TRAF3IP1: variants seen among roughly 807,000 people sequenced by gnomAD.
TRAF3IP1 encodes intraflagellar transport 54, also known as TRAF3-interacting protein 1.
A neutral mutation model predicts 89.9 loss-of-function variants in TRAF3IP1; 53 were observed. The observed-to-expected ratio is 0.59, with a 90% CI of 0.47 to 0.74. The LOEUF is 0.74. TRAF3IP1 is among the 30% of genes least tolerant of loss of function. TRAF3IP1 has a pLI of 0.00. For missense variants in TRAF3IP1, 806 were observed against 866.1 expected (o/e 0.93, Z 0.87); for synonymous variants, 311 against 322.1 (o/e 0.97, Z 0.37).
chr2:238,336,434 T>C (rs1698393160), intron 7 of TRAF3IP1, among the ~76,000 whole-genome samples: 1 of 152,136 alleles, frequency 6.6e-6, no homozygotes, highest in Non-Finnish European at 1.5e-5. Context: ...TTTGGGCAAA[T>C]GCTCAGTACC....
chr2:238,322,370 G>T (rs1399742743), intron 1 of TRAF3IP1, among the ~76,000 whole-genome samples: 1 of 152,208 alleles, frequency 6.6e-6, no homozygotes, highest in Non-Finnish European at 1.5e-5. Flanking sequence ...CGCATAGTTG[G>T]TCAGAGGAAT....
At position 238,366,734 on chromosome 2, in the gene TRAF3IP1, AT is replaced by A. The variant is rs569253916; in HGVS notation, c.1689+10659del. On this transcript the variant is annotated intron_variant, in intron 15 of 16. Transcript: ENST00000373327. ...GTGCTTTGCATAAAAAAAAATCTTT[AT>A]TTTTGATTGGTTTTGACAGCCTGCC... Among the ~76,000 whole-genome samples, 207 of 152,124 alleles carry A rather than the reference AT, an allele frequency of 1.4e-3. 3 individuals are homozygous for A. Among genetic ancestry groups the A allele is most frequent in the African/African-American group, 4.8e-3 (198 of 41,494 alleles).
intron 15 of TRAF3IP1, among the ~76,000 whole-genome samples, chr2:238,368,580 A>G (rs984865704): frequency 6.6e-6 from 1 of 152,196 alleles, no homozygotes; most frequent in African/African-American, 2.4e-5. Context: ...GCTTTGCTCT[A>G]TGTAAGTTTT....
intron 6 of TRAF3IP1, 43 bp downstream of exon 6, chr2:238,332,938 C>A: frequency 6.8e-7 from 1 of 1,478,714 alleles, no homozygotes; most frequent in Non-Finnish European, 9.4e-7. Context: ...CAACTTGTAG[C>A]TGTGTTGAAA....
rs905244464 is a variant in TRAF3IP1, at chr2:238,338,458, G to C, written c.1159+1G>C. ...CAGGAAACGACAACATCAGAAATAG[G>C]TAAGAAAAATATATTCTTTAGTTTA... is the stretch of plus-strand genomic sequence containing the variant. On this transcript the variant is annotated splice_donor_variant, in intron 8 of 16. Coordinates refer to ENST00000373327, the MANE Select transcript of TRAF3IP1 (RefSeq NM_015650.4). LOFTEE classifies it high-confidence loss of function. 7.2e-6 allele frequency: 11 copies of C among 1,531,814 alleles called. 1 individual carries two copies. The Admixed American group carries it at 1.3e-4, about 18-fold the overall frequency. The allele number at this position is 1,531,814 out of a possible 1,614,324, so 94.9% of individuals were successfully genotyped here.
intron 15 of TRAF3IP1, among the ~76,000 whole-genome samples, chr2:238,381,307 A>C (rs992612980): frequency 2.6e-5 from 4 of 152,126 alleles, no homozygotes; most frequent in African/African-American, 9.7e-5. Flanking sequence ...AACTTTAGAA[A>C]AGTTTCTTTG....
intron 5 of TRAF3IP1, among the ~76,000 whole-genome samples, chr2:238,331,399 C>G (rs1359696750): frequency 6.6e-6 from 1 of 151,944 alleles, no homozygotes. Context: ...ATCGTTTGAA[C>G]TCGGGAGGCG....
chr2:238,372,600 A>G (rs961112877), intron 15 of TRAF3IP1, among the ~76,000 whole-genome samples: 7 of 152,230 alleles, frequency 4.6e-5, no homozygotes, highest in South Asian at 2.1e-4. Context: ...GTACATGTCC[A>G]TGTGTCTTTA....
rs568609406 is a variant in TRAF3IP1 at position 238,398,769 on chromosome 2, C to G, written c.1926C>G (p.Ala642=). 1.9e-6 allele frequency: 3 copies of G among 1,604,668 alleles called. No homozygotes were observed. The highest frequency in any genetic ancestry group is 2.5e-6 in the Non-Finnish European group (3 of 1,177,358). ...TCTCCCTCAGGATCACAGACTGTGC[C>G]GTGGAGCCCTTAAAGGCTGAGCTCG... ...LQQEQRITDC[A]VEPLKAELAE... is the part of the protein sequence containing the mutation. Residue 642 remains alanine, a synonymous_variant, in exon 17 of 17, where the codon GCC becomes GCG. Transcript: ENST00000373327.
At chr2:238,371,277 C>T (rs985883675) in intron 15 of TRAF3IP1, among the ~76,000 whole-genome samples, 1 of 151,910 alleles carries the variant, frequency 6.6e-6, no homozygotes, top group South Asian at 2.1e-4. Flanking sequence ...GTGTTTTTTT[C>T]GGTTTGTTTT....
In TRAF3IP1 at chr2:238,346,304, C is replaced by T. The variant is rs1466042262; in HGVS notation, c.1262-1151C>T. Among the ~76,000 whole-genome samples the T allele has an allele frequency of 1.5e-4, 23 of 152,176 alleles. 1 individual carries two copies. Among genetic ancestry groups the T allele is most frequent in the Admixed American group, 1.4e-3 (22 of 15,284 alleles). On this transcript the variant is annotated intron_variant, in intron 9 of 16. Transcript: ENST00000373327. ...CTCTGAAACTGCCCTTGTAGTGGCA[C>T]TATCTGGAACCACATTCTCCAGCCC... is the stretch of plus-strand genomic sequence containing the variant.
chr2:238,361,103 T>G (rs953615359), intron 15 of TRAF3IP1, among the ~76,000 whole-genome samples: 9 of 151,236 alleles, frequency 6.0e-5, no homozygotes, highest in Non-Finnish European at 1.2e-4. Flanking sequence ...TGGAGTGCAG[T>G]GGTCTGAATC....
At chr2:238,336,546 T>C (rs1698397663) in intron 7 of TRAF3IP1, among the ~76,000 whole-genome samples, 1 of 152,124 alleles carries the variant, frequency 6.6e-6, no homozygotes, top group Admixed American at 6.5e-5. Flanking sequence ...ATATTTAGAC[T>C]CTTAAAGTCA....
intron 11 of TRAF3IP1, 134 bp downstream of exon 11, chr2:238,348,982 A>G: frequency 1.3e-6 from 1 of 749,034 alleles, no homozygotes; most frequent in Non-Finnish European, 2.2e-6. Context: ...CAAAGAATAC[A>G]AGAAGTATAT....
At position 238,321,430 on chromosome 2, in the gene TRAF3IP1, C is replaced by T. The variant is rs141599174; in HGVS notation, c.123+645C>T. On this transcript the variant is annotated intron_variant, in intron 1 of 16. Coordinates refer to ENST00000373327, the MANE Select transcript of TRAF3IP1 (RefSeq NM_015650.4). ...CCACATTTTGGGTGCTTAATAAATG[C>T]CTGCGGGTGGATTTAGTGGAGGCGG... Among the ~76,000 whole-genome samples the T allele has an allele frequency of 3.6e-3, 555 of 152,282 alleles. 7 individuals are homozygous for T. Among genetic ancestry groups the T allele is most frequent in the Non-Finnish European group, 6.8e-3 (465 of 68,028 alleles).
intron 15 of TRAF3IP1, among the ~76,000 whole-genome samples, chr2:238,358,590 C>T (rs1699526072): frequency 6.6e-6 from 1 of 152,184 alleles, no homozygotes; most frequent in South Asian, 2.1e-4. Context: ...AGTCCTGTTC[C>T]CCCGAGGGCA....
At position 238,392,847 on chromosome 2, in the gene TRAF3IP1, A is replaced by G. The variant is rs564006517; in HGVS notation, c.1690-4612A>G. On this transcript the variant is annotated intron_variant, in intron 15 of 16. Transcript: ENST00000373327. ...TGCCTCAGCCTCCCAAAGTGCTGGGATTGCAGGCATGAGCCACCATGCCTG... is the reference window on the plus strand; with the variant it reads ...TGCCTCAGCCTCCCAAAGTGCTGGGGTTGCAGGCATGAGCCACCATGCCTG... 2.3e-3 allele frequency among the ~76,000 whole-genome samples: 348 copies of G among 152,230 alleles called. 1 individual carries two copies. The highest frequency in any genetic ancestry group is 8.2e-3 in the African/African-American group (340 of 41,532).
chr2:238,384,674 C>CGCCT (rs757192280), intron 15 of TRAF3IP1, among the ~76,000 whole-genome samples: 56 of 151,678 alleles, frequency 3.7e-4, no homozygotes, highest in Admixed American at 5.9e-4. Flanking sequence ...TGAGCCACCA[C>CGCCT]GCCTGGCCTG....
chr2:238,358,238 T>A (rs1053978466), intron 15 of TRAF3IP1, among the ~76,000 whole-genome samples: 9 of 151,974 alleles, frequency 5.9e-5, no homozygotes, highest in Non-Finnish European at 1.2e-4. Context: ...ATTTTTTTTT[T>A]AAATAAATAA....
Sources: gnomAD v4.1 joint callset for allele counts (sites outside exome capture counted in the v4.1 genomes callset) on GRCh38, gnomAD v4.1.1 for gene constraint, MANE v1.5 for transcripts, NCBI Gene and HGNC (gene_info 2026-07-23, HGNC 2026-07-21) for gene names.